Variants in TBCA observed in about 807,000 individuals in gnomAD.
TBCA encodes tubulin-specific chaperone A.
A neutral mutation model predicts 15.8 loss-of-function variants in TBCA; 6 were observed. The observed-to-expected ratio is 0.38, with a 90% CI of 0.21 to 0.75. TBCA has a LOEUF of 0.75. TBCA is among the 30% of genes least tolerant of loss of function. The probability of loss-of-function intolerance (pLI) is 0.46; values close to 1 mark genes in which losing one functional copy is unlikely to be tolerated. For missense variants in TBCA, 90 were observed against 131.2 expected, an observed-to-expected ratio of 0.69 and a Z score of 1.53; for synonymous variants, 32 against 42.3, an observed-to-expected ratio of 0.76 and a Z score of 0.94.
chr5:77,754,525 T>C (rs1216968750), intron 1 of TBCA, among the ~76,000 whole-genome samples: 3 of 152,362 alleles, frequency 2.0e-5, no homozygotes, highest in East Asian at 3.8e-4. Flanking sequence ...CTTAACAGTT[T>C]ACCTAGATTA....
chr5:77,712,838 C>T (rs563634217), intron 1 of TBCA, among the ~76,000 whole-genome samples: 154 of 152,208 alleles, frequency 1.0e-3, no homozygotes, highest in African/African-American at 3.4e-3. Flanking sequence ...TGGAAATATA[C>T]ATTACTTTTA....
intron 2 of TBCA, among the ~76,000 whole-genome samples, chr5:77,699,643 T>A (rs1045384875): frequency 1.3e-5 from 2 of 151,864 alleles, no homozygotes; most frequent in African/African-American, 4.8e-5. Context: ...GGGAAAAAAA[T>A]AGAAAATCTT....
chr5:77,733,999 C>T (rs1746836947), intron 1 of TBCA, among the ~76,000 whole-genome samples: 2 of 152,240 alleles, frequency 1.3e-5, no homozygotes, highest in Non-Finnish European at 2.9e-5. Flanking sequence ...TAAATCTCCT[C>T]TGCCTGTGCT....
At chr5:77,694,734 C>A (rs1360083721) in intron 2 of TBCA, among the ~76,000 whole-genome samples, 1 of 152,128 alleles carries the variant, frequency 6.6e-6, no homozygotes, top group Non-Finnish European at 1.5e-5. Flanking sequence ...AACTTTAAGT[C>A]CCAGTACCTT....
In TBCA at chr5:77,707,244, C is replaced by T. The variant is rs1054378466; in HGVS notation, c.159+998G>A. ...ATGCAGATAGGTTGACAGATTTTGT[C>T]GTAAGAATATGAGAAAGTTCCCTAA... On this transcript the variant is annotated intron_variant, in intron 2 of 3. Coordinates refer to ENST00000380377, the MANE Select transcript of TBCA (RefSeq NM_004607.3). Among the ~76,000 whole-genome samples the T allele has an allele frequency of 5.3e-5, 8 of 152,032 alleles. 1 individual carries two copies. The highest frequency in any genetic ancestry group is 1.0e-4 in the Non-Finnish European group (7 of 68,030).
chr5:77,717,613 T>C (rs548404825), intron 1 of TBCA, among the ~76,000 whole-genome samples: 1 of 152,148 alleles, frequency 6.6e-6, no homozygotes, highest in African/African-American at 2.4e-5. Context: ...GCGTATCACC[T>C]GAGGTCAGGA....
At chr5:77,693,511 TAGAA>T (rs1745802249) in intron 2 of TBCA, 159 bp from the exon 3 acceptor site, 1 of 954,962 alleles carries the variant, frequency 1.0e-6, no homozygotes, top group Non-Finnish European at 1.5e-6. Context: ...TATTAGAAGT[TAGAA>T]AGGCCAGGCA....
At chr5:77,772,774 A>C (rs1298194337) in intron 1 of TBCA, among the ~76,000 whole-genome samples, 1 of 152,250 alleles carries the variant, frequency 6.6e-6, no homozygotes, top group Non-Finnish European at 1.5e-5. Flanking sequence ...AATTTGAGAT[A>C]ATAGTAAACT....
chr5:77,719,173 C>A (rs568248161), intron 1 of TBCA, among the ~76,000 whole-genome samples: 2 of 152,174 alleles, frequency 1.3e-5, no homozygotes, highest in Non-Finnish European at 2.9e-5. Flanking sequence ...CAAATGAGAA[C>A]CTGCAATTCA....
intron 1 of TBCA, among the ~76,000 whole-genome samples, chr5:77,753,022 T>A (rs559602049): frequency 6.6e-6 from 1 of 151,766 alleles, no homozygotes; most frequent in Non-Finnish European, 1.5e-5. Context: ...AAGCAACTCT[T>A]AAAAAAAAAT....
chr5:77,760,381 TTCC>T (rs1214279323), intron 1 of TBCA, among the ~76,000 whole-genome samples: 1 of 152,168 alleles, frequency 6.6e-6, no homozygotes, highest in Non-Finnish European at 1.5e-5. Flanking sequence ...CCTCCCTTCC[TTCC>T]TCCTTTTTCC....
At chr5:77,701,871 G>A (rs921648869) in intron 2 of TBCA, among the ~76,000 whole-genome samples, 1 of 151,666 alleles carries the variant, frequency 6.6e-6, no homozygotes, top group African/African-American at 2.4e-5. Flanking sequence ...AAAGGAATGA[G>A]TTAATGGCAT....
chr5:77,691,341 T>G lies in TBCA; in HGVS notation c.*77A>C. The G allele has an allele frequency of 1.6e-6, 2 of 1,237,530 alleles. No individual in the cohort carries two copies. Among genetic ancestry groups the G allele is most frequent in the Non-Finnish European group, 2.3e-6 (2 of 865,578 alleles). The allele number at this position is 1,237,530 out of a possible 1,614,324, so 76.7% of individuals were successfully genotyped here. A position where few individuals can be genotyped will look rare whatever the true frequency, so the allele number is the denominator to read the frequency against. Reference sequence around the variant, plus strand: ...CACATTCTCATACTACTTGAACACATAGCAGTGGTCAAAAATAATGGATTG... The same window carrying G: ...CACATTCTCATACTACTTGAACACAGAGCAGTGGTCAAAAATAATGGATTG... On this transcript the variant is annotated 3_prime_UTR_variant, in exon 4 of 4. Transcript: ENST00000380377.
At chr5:77,772,653 G>C (rs1192544027) in intron 1 of TBCA, among the ~76,000 whole-genome samples, 1 of 151,744 alleles carries the variant, frequency 6.6e-6, no homozygotes, top group Admixed American at 6.6e-5. Context: ...AGAAAGTTTA[G>C]GGGTTTTTCT....
chr5:77,753,808 G>A (rs183368418), intron 1 of TBCA, among the ~76,000 whole-genome samples: 12 of 152,214 alleles, frequency 7.9e-5, no homozygotes, highest in Non-Finnish European at 1.5e-4. Flanking sequence ...GCCCAGGCTG[G>A]AGTGCAGTGG....
chr5:77,693,173 A>C, intron 3 of TBCA, 93 bp downstream of exon 3: 1 of 1,550,664 alleles, frequency 6.4e-7, no homozygotes, highest in Non-Finnish European at 8.7e-7. Flanking sequence ...AATACTGCCA[A>C]CTAGTTCTCA....
At chr5:77,693,041 T>C in intron 3 of TBCA, 1 of 1,427,438 alleles carries the variant, frequency 7.0e-7, no homozygotes, top group Non-Finnish European at 9.1e-7. Flanking sequence ...ACTAGCTAAA[T>C]TTTAATAAAC....
chr5:77,749,268 A>T (rs1198201115), intron 1 of TBCA, among the ~76,000 whole-genome samples: 1 of 152,252 alleles, frequency 6.6e-6, no homozygotes, highest in African/African-American at 2.4e-5. Context: ...AACAGCAACA[A>T]GAGGTGGCTA....
intron 2 of TBCA, among the ~76,000 whole-genome samples, chr5:77,704,328 T>A (rs1423720149): frequency 2.6e-5 from 4 of 152,190 alleles, no homozygotes; most frequent in Non-Finnish European, 5.9e-5. Context: ...GACTGTCCCC[T>A]GATTTTTGGC....
Sources: gnomAD v4.1 joint callset for allele counts (sites outside exome capture counted in the v4.1 genomes callset) on GRCh38, gnomAD v4.1.1 for gene constraint, MANE v1.5 for transcripts, NCBI Gene and HGNC (gene_info 2026-07-23, HGNC 2026-07-21) for gene names.